Variants in VPS13C observed in about 807,000 individuals in gnomAD.
The protein encoded by VPS13C is intermembrane lipid transfer protein VPS13C.
VPS13C carries 358 observed loss-of-function variants against 456.8 expected under a neutral mutation model. The observed-to-expected ratio is 0.78, with a 90% CI of 0.72 to 0.86. The LOEUF (loss-of-function observed/expected upper bound fraction) is 0.86. VPS13C is among the 40% of genes least tolerant of loss of function. The pLI is 0.00. For missense variants in VPS13C, 4,818 were observed against 4,385.4 expected (o/e 1.10, Z -2.79); for synonymous variants, 1,578 against 1,486.7 (o/e 1.06, Z -1.41).
intron 64 of VPS13C, 111 bp downstream of exon 64, chr15:61,910,066 T>C: frequency 3.9e-6 from 2 of 507,756 alleles, no homozygotes; most frequent in Non-Finnish European, 5.2e-6. Flanking sequence ...ACATGGCACA[T>C]GTATACATAT....
At chr15:61,999,107 G>A (rs527966438) in intron 16 of VPS13C, among the ~76,000 whole-genome samples, 35 of 152,194 alleles carry the variant, frequency 2.3e-4, no homozygotes, top group Admixed American at 9.8e-4. Context: ...GGCCAGGCAC[G>A]GTGGCTCATG....
chr15:61,962,409 G>T lies in VPS13C; in HGVS notation c.3565C>A (p.Gln1189Lys). The T allele has an allele frequency of 6.2e-7, 1 of 1,601,614 alleles. No homozygotes were observed. Among genetic ancestry groups the T allele is most frequent in the South Asian group, 1.1e-5 (1 of 88,280 alleles). Residue 1189 changes from glutamine to lysine, a missense_variant, in exon 34 of 85, where the codon CAG becomes AAG. Transcript: ENST00000644861. ...AGGAATTTATGAAGATAGACAATCT[G>T]AATACAGCCAACATTCAGAGACAGC... ...GVLSLNVGCI[Q>K]IVYLHKFLMS...
intron 15 of VPS13C, among the ~76,000 whole-genome samples, chr15:62,006,263 C>A (rs1438290715): frequency 6.6e-6 from 1 of 152,024 alleles, no homozygotes; most frequent in African/African-American, 2.4e-5. Flanking sequence ...TCTCCCCGCA[C>A]CCCACAACAG....
At chr15:62,035,435 G>A (rs1372732576) in intron 3 of VPS13C, among the ~76,000 whole-genome samples, 1 of 151,904 alleles carries the variant, frequency 6.6e-6, no homozygotes, top group Non-Finnish European at 1.5e-5. Context: ...TATTAGTAAG[G>A]ATGCTGGACC....
chr15:61,943,051 C>T (rs992508770), intron 45 of VPS13C, among the ~76,000 whole-genome samples: 9 of 152,080 alleles, frequency 5.9e-5, no homozygotes, highest in African/African-American at 2.2e-4. Context: ...CCTAGAAATA[C>T]ATCTAACCAA....
chr15:61,993,626 TAAAGAG>T (rs1049794248), intron 16 of VPS13C, among the ~76,000 whole-genome samples: 2 of 151,834 alleles, frequency 1.3e-5, no homozygotes, highest in African/African-American at 2.4e-5. Context: ...TTACACATAA[TAAAGAG>T]AAAAAGAGAT....
intron 35 of VPS13C, among the ~76,000 whole-genome samples, 185 bp downstream of exon 35, chr15:61,961,404 C>A (rs1596386790): frequency 6.1e-5 from 3 of 49,314 alleles, no homozygotes; most frequent in Non-Finnish European, 1.7e-4. Flanking sequence ...AACACACACA[C>A]ACACACACAC....
chr15:61,857,491 AG>A (rs779614329), intron 82 of VPS13C, among the ~76,000 whole-genome samples: 67 of 152,328 alleles, frequency 4.4e-4, no homozygotes, highest in Admixed American at 1.3e-3. Flanking sequence ...CTGGAATACA[AG>A]ATAGATACCA....
intron 22 of VPS13C, 71 bp from the exon 23 acceptor site, chr15:61,978,820 A>G: frequency 1.4e-6 from 2 of 1,472,564 alleles, no homozygotes; most frequent in Non-Finnish European, 1.8e-6. Context: ...TACTTTAGTT[A>G]GGTTTCAGTC....
At chr15:61,905,700 A>G (rs1175585131) in intron 66 of VPS13C, among the ~76,000 whole-genome samples, 3 of 151,982 alleles carry the variant, frequency 2.0e-5, no homozygotes, top group Non-Finnish European at 4.4e-5. Context: ...AGTTTTACTT[A>G]TTTTCATTTT....
At chr15:62,042,807 C>T (rs938653938) in intron 2 of VPS13C, among the ~76,000 whole-genome samples, 2 of 151,772 alleles carry the variant, frequency 1.3e-5, no homozygotes, top group African/African-American at 4.8e-5. Flanking sequence ...AGGAGATATA[C>T]CTAATGTAAA....
chr15:62,007,276 TA>T (rs1347948453), intron 15 of VPS13C, 31 bp downstream of exon 15: 2 of 1,431,722 alleles, frequency 1.4e-6, no homozygotes, highest in African/African-American at 2.9e-5. Context: ...ATTAGACAAA[TA>T]ATAGCTCTCA....
Position 62,041,351 on chromosome 15 carries a change from G to T in VPS13C, c.160C>A (p.Pro54Thr), listed in dbSNP as rs1313899885. 6.2e-7 allele frequency: 1 copy of T among 1,606,606 alleles called. No individual in the cohort carries two copies. Among genetic ancestry groups the T allele is most frequent in the Non-Finnish European group, 8.5e-7 (1 of 1,178,266 alleles). ...ATTTGGCCAGCCTTGACTTTAAAAG[G>T]AACATCCAATTCACTCTTCAGAAGA... is the stretch of plus-strand genomic sequence containing the variant. ...KENALSELDV[P>T]FKVKAGQIDK... Residue 54 changes from proline to threonine, a missense_variant, in exon 3 of 85, where the codon CCT becomes ACT. Around this residue, in one of 3 missense-constraint regions of VPS13C, gnomAD observed 4,552 missense variants for 4,130.6 expected, o/e 1.10. Transcript: ENST00000644861.
At position 61,909,001 on chromosome 15, in the gene VPS13C, T is replaced by C. The variant is rs575683116; in HGVS notation, c.8969A>G (p.Tyr2990Cys). The C allele has an allele frequency of 4.3e-6, 7 of 1,613,888 alleles. No individual in the cohort carries two copies. The Middle Eastern group carries it at 5.0e-4, about 114-fold the overall frequency. The change falls in exon 65 of 85, where the codon TAC (tyrosine) becomes TGC (cysteine). Residue 2990 changes from tyrosine to cysteine, a missense_variant. By Grantham distance (194) the Tyr-to-Cys change is radical. This residue lies in a region of VPS13C where 4,552 missense variants were observed against 4,130.6 expected (regional missense o/e 1.10). Coordinates refer to ENST00000644861, the MANE Select transcript of VPS13C (RefSeq NM_020821.3). ...MNHTPWDILT[Y>C]KQSGSPEEMV... ...CCCTTTTTTCTCATACCTCTGTTTG[T>C]ATGTGAGGATGTCCCATGGTGTATG...
At chr15:61,948,497 C>G (rs2044682394) in intron 42 of VPS13C, among the ~76,000 whole-genome samples, 3 of 152,056 alleles carry the variant, frequency 2.0e-5, no homozygotes, top group Non-Finnish European at 4.4e-5. Context: ...GCCTGCGCAA[C>G]ATGGTGAAAC....
intron 63 of VPS13C, among the ~76,000 whole-genome samples, chr15:61,911,344 T>C (rs1248367930): frequency 6.6e-6 from 1 of 152,208 alleles, no homozygotes; most frequent in Non-Finnish European, 1.5e-5. Context: ...TTTATCAATC[T>C]TGGAAAAGTC....
Position 61,920,761 on chromosome 15 carries a change from G to C in VPS13C, c.7063-114C>G, listed in dbSNP as rs186746068. 1.5e-5 allele frequency: 14 copies of C among 933,978 alleles called. No individual in the cohort carries two copies. The Admixed American group carries it at 1.9e-4, about 13-fold the overall frequency. 57.9% of individuals were successfully genotyped at this position (933,978 alleles called of 1,614,324 possible). On this transcript the variant is annotated intron_variant, in intron 55 of 84. Transcript: ENST00000644861. ...CACTTTATAGTAATGCTTCGCAAAA[G>C]TCTTATTTTCAAAAATATACCATGC...
intron 29 of VPS13C, among the ~76,000 whole-genome samples, chr15:61,966,591 A>G (rs1480608237): frequency 1.3e-5 from 2 of 151,908 alleles, no homozygotes; most frequent in Non-Finnish European, 2.9e-5. Context: ...GTCTCCCATC[A>G]TAACTAACCA....
chr15:62,021,858 C>T (rs2047473278), intron 8 of VPS13C, among the ~76,000 whole-genome samples: 1 of 151,864 alleles, frequency 6.6e-6, no homozygotes, highest in African/African-American at 2.4e-5. Flanking sequence ...TTATTAAAGA[C>T]AACCCTCAGT....
Sources: gnomAD v4.1 joint callset for allele counts (sites outside exome capture counted in the v4.1 genomes callset) on GRCh38, gnomAD v4.1.1 for gene constraint, gnomAD v4.1.1 regional missense constraint, MANE v1.5 for transcripts, NCBI Gene and HGNC (gene_info 2026-07-23, HGNC 2026-07-21) for gene names.